Variants in MAPT observed in about 807,000 individuals in gnomAD.
MAPT encodes microtubule-associated protein tau.
In MAPT, 34 loss-of-function variants were observed where a neutral mutation model predicts 67.9. The observed-to-expected ratio is 0.50, with a 90% CI of 0.38 to 0.67. The LOEUF (loss-of-function observed/expected upper bound fraction) is 0.67, where lower values mean the gene tolerates loss of function less well. MAPT is among the 30% of genes least tolerant of loss of function. The probability of loss-of-function intolerance (pLI) is 0.00; values close to 1 mark genes in which losing one functional copy is unlikely to be tolerated. For synonymous variants in MAPT, 456 were observed against 464.5 expected, an observed-to-expected ratio of 0.98 and a Z score of 0.23; for missense variants, 881 against 1,115.2, an observed-to-expected ratio of 0.79 and a Z score of 2.99.
intron 1 of MAPT, chr17:45,932,043 A>G (rs553453116): frequency 4.6e-5 from 7 of 152,074 alleles, no homozygotes; most frequent in African/African-American, 1.4e-4. Context: ...AGATTGCACC[A>G]CTGCACTCCA....
chr17:46,001,077 T>A (rs1023817928), intron 9 of MAPT, among the ~76,000 whole-genome samples: 8 of 151,946 alleles, frequency 5.3e-5, no homozygotes, highest in African/African-American at 1.9e-4. Context: ...ATTTTTTTTT[T>A]AATTAGCTGG....
At chr17:45,928,107 C>A (rs2066527713) in intron 1 of MAPT, among the ~76,000 whole-genome samples, 1 of 150,798 alleles carries the variant, frequency 6.6e-6, no homozygotes, top group Non-Finnish European at 1.5e-5. Flanking sequence ...CAGCCCCGAT[C>A]TTTCTACTCT....
intron 1 of MAPT, among the ~76,000 whole-genome samples, chr17:45,932,966 C>T (rs368675210): frequency 3.9e-5 from 6 of 152,176 alleles, no homozygotes; most frequent in Admixed American, 2.6e-4. Context: ...CCTGTAATCC[C>T]AGCTACTGGG....
intron 1 of MAPT, among the ~76,000 whole-genome samples, chr17:45,944,288 G>T (rs1442519994): frequency 6.6e-6 from 1 of 152,162 alleles, no homozygotes; most frequent in Admixed American, 6.5e-5. Flanking sequence ...TCCAGTCCGG[G>T]TTCCCTTTCC....
intron 1 of MAPT, among the ~76,000 whole-genome samples, chr17:45,933,510 G>C (rs192533599): frequency 1.3e-5 from 2 of 152,166 alleles, no homozygotes; most frequent in Admixed American, 1.3e-4. Flanking sequence ...AAAGTGTTGG[G>C]ATTACAGGCG....
intron 1 of MAPT, among the ~76,000 whole-genome samples, chr17:45,952,689 C>A (rs1488070753): frequency 1.3e-5 from 2 of 152,074 alleles, no homozygotes; most frequent in East Asian, 1.9e-4. Context: ...AGCCTATGGA[C>A]CCACATAGAA....
chr17:45,943,808 G>A (rs905164676), intron 1 of MAPT, among the ~76,000 whole-genome samples: 1 of 152,148 alleles, frequency 6.6e-6, no homozygotes, highest in African/African-American at 2.4e-5. Flanking sequence ...GCGCTGGAAG[G>A]AATGAGGAAC....
intron 3 of MAPT, chr17:45,977,418 C>T (rs1305722781): frequency 6.6e-6 from 1 of 152,190 alleles, no homozygotes; most frequent in Admixed American, 6.5e-5. Context: ...TGGCCTCTGT[C>T]ATTGTCCTCA....
chr17:45,941,988 G>A (rs1219510533), intron 1 of MAPT, among the ~76,000 whole-genome samples: 1 of 152,068 alleles, frequency 6.6e-6, no homozygotes, highest in African/African-American at 2.4e-5. Flanking sequence ...CAGATCCTCA[G>A]TGGAACATGA....
intron 1 of MAPT, among the ~76,000 whole-genome samples, chr17:45,914,083 T>C (rs931112212): frequency 5.3e-5 from 8 of 150,148 alleles, no homozygotes; most frequent in Non-Finnish European, 6.0e-5. Context: ...CATGAAAAGG[T>C]GCTTGATCTC....
chr17:45,976,481 A>C (rs1433277345), intron 3 of MAPT: 3 of 152,216 alleles, frequency 2.0e-5, no homozygotes, highest in Non-Finnish European at 2.9e-5. Context: ...AGTTGGGTGC[A>C]TGTGTCTTCA....
At position 45,983,687 on chromosome 17, in the gene MAPT, C is replaced by T. The variant is rs759382498; in HGVS notation, c.1108C>T (p.Gln370Ter). The change falls in exon 5 of 13, where the codon CAG becomes TAG. Residue 370 changes from glutamine (Q) to a stop codon, truncating the protein, a stop_gained. Transcript: ENST00000262410. LOFTEE classifies it high-confidence loss of function. Reference sequence around the variant, plus strand: ...GCCCAGTGTAGGGCGGGCCAAAGGGCAGGATGCCCCCCTGGAGTTCACGTT... The same window carrying T: ...GCCCAGTGTAGGGCGGGCCAAAGGGTAGGATGCCCCCCTGGAGTTCACGTT... Reference protein sequence around the residue: ...DGPSVGRAKGQDAPLEFTFHV... With the variant: ...DGPSVGRAKG The T allele has an allele frequency of 6.2e-7, 1 of 1,614,030 alleles. No individual in the cohort carries two copies. The highest frequency in any genetic ancestry group is 8.5e-7 in the Non-Finnish European group (1 of 1,180,020).
chr17:46,013,532 T>C (rs968064222), intron 10 of MAPT, among the ~76,000 whole-genome samples: 3 of 152,262 alleles, frequency 2.0e-5, no homozygotes, highest in African/African-American at 7.2e-5. Context: ...TGGTTTCTGC[T>C]GTGCCACCTA....
chr17:45,918,759 T>C (rs995712595), intron 1 of MAPT, among the ~76,000 whole-genome samples: 1 of 151,862 alleles, frequency 6.6e-6, no homozygotes, highest in African/African-American at 2.4e-5. Context: ...AGAAAAGAGG[T>C]TTAATTGGCT....
intron 5 of MAPT, among the ~76,000 whole-genome samples, chr17:45,986,706 G>A (rs1468474613): frequency 6.6e-6 from 1 of 152,252 alleles, no homozygotes; most frequent in Admixed American, 6.5e-5. Context: ...GCAGGAGCCT[G>A]TGGGTTAGGG....
At chr17:45,916,837 C>A (rs180793408) in intron 1 of MAPT, among the ~76,000 whole-genome samples, 2 of 152,336 alleles carry the variant, frequency 1.3e-5, no homozygotes. Flanking sequence ...TCCCCAGAGT[C>A]ACACAGCAGG....
chr17:45,962,835 G>A (rs2070600819), intron 2 of MAPT, among the ~76,000 whole-genome samples: 1 of 152,034 alleles, frequency 6.6e-6, no homozygotes, highest in South Asian at 2.1e-4. Context: ...TGAGGCAGAA[G>A]GATCACTTGA....
intron 1 of MAPT, among the ~76,000 whole-genome samples, chr17:45,921,538 G>A (rs2065718674): frequency 6.6e-6 from 1 of 152,182 alleles, no homozygotes; most frequent in Non-Finnish European, 1.5e-5. Flanking sequence ...CGAGCATCAT[G>A]TCACCCGGTG....
Position 46,027,643 on chromosome 17 carries a change from C to A in MAPT, c.*3472C>A, listed in dbSNP as rs571501853. The stretch of plus-strand genomic sequence containing the variant: ...GTAACCCTTTTCATGATTTCAACCA[C>A]ATTTGCTAGAGGGAGGGAGCAGCCA... On this transcript the variant is annotated 3_prime_UTR_variant, in exon 13 of 13. Coordinates refer to ENST00000262410, the MANE Select transcript of MAPT (RefSeq NM_001377265.1). 1 of 152,324 alleles carries A rather than the reference C, an allele frequency of 6.6e-6. No individual in the cohort carries two copies. The highest frequency in any genetic ancestry group is 2.1e-4 in the South Asian group (1 of 4,832). 9.4% of individuals were successfully genotyped at this position (152,324 alleles called of 1,614,324 possible).
Sources: allele counts gnomAD v4.1 joint callset (sites outside exome capture counted in the v4.1 genomes callset), GRCh38; gene constraint gnomAD v4.1.1; transcripts MANE v1.5; gene names NCBI Gene and HGNC (gene_info 2026-07-23, HGNC 2026-07-21).